The following FLNB variants were observed in gnomAD, a reference collection of about 807,000 sequenced individuals.
The protein encoded by FLNB is filamin-B.
A neutral mutation model predicts 250.6 loss-of-function variants in FLNB; 111 were observed. The observed-to-expected ratio is 0.44, with a 90% CI of 0.38 to 0.52. The LOEUF (loss-of-function observed/expected upper bound fraction) is 0.52, where lower values mean the gene tolerates loss of function less well. Among genes scored for constraint, FLNB ranks in the 20% least tolerant of loss-of-function variants. The pLI is 0.00. For synonymous variants in FLNB, 1,302 were observed against 1,372.1 expected (o/e 0.95, Z 1.13); for missense variants, 2,869 against 3,447.8 (o/e 0.83, Z 4.20).
At chr3:58,149,378 C>G in intron 36 of FLNB, 1 of 252,658 alleles carries the variant, frequency 4.0e-6, no homozygotes. Flanking sequence ...CAAATTCTAA[C>G]CCGGGGAGAG....
intron 1 of FLNB, among the ~76,000 whole-genome samples, chr3:58,041,409 C>A (rs2097145805): frequency 2.6e-5 from 4 of 152,088 alleles, no homozygotes; most frequent in Non-Finnish European, 5.9e-5. Context: ...GTCTGTGAGC[C>A]ACAGGAAATG....
intron 2 of FLNB, among the ~76,000 whole-genome samples, chr3:58,077,906 G>T (rs12715521): frequency 0.26 from 39,059 of 151,786 alleles, 6,015 homozygotes; most frequent in Middle Eastern, 0.4. Flanking sequence ...GAGTTTGCTG[G>T]TACACACTCA....
intron 18 of FLNB, among the ~76,000 whole-genome samples, chr3:58,116,251 G>A (rs890247772): frequency 5.9e-5 from 9 of 152,204 alleles, no homozygotes; most frequent in African/African-American, 2.2e-4. Context: ...AGCCCAGAAA[G>A]CCACCCCCTG....
intron 22 of FLNB, 93 bp downstream of exon 22, chr3:58,124,598 T>C: frequency 2.2e-6 from 3 of 1,366,532 alleles, no homozygotes; most frequent in Admixed American, 1.8e-5. Flanking sequence ...CCCCATGTGC[T>C]AGGCCTGTCT....
rs2362904 is a variant in FLNB at position 58,126,761 on chromosome 3, C to G, written c.4221C>G (p.Pro1407=). The G allele has an allele frequency of 1.2e-6, 2 of 1,612,630 alleles. No individual in the cohort carries two copies. Among genetic ancestry groups the G allele is most frequent in the Non-Finnish European group, 1.7e-6 (2 of 1,179,058 alleles). ...TCACATATGGAGGAGCCCACATCCCCGGTGAGCTATTCCTCAGAGAGGACC... is the reference window on the plus strand; with the variant it reads ...TCACATATGGAGGAGCCCACATCCCGGGTGAGCTATTCCTCAGAGAGGACC... ...VNITYGGAHI[P]GSPFRVPVKD... The change falls in exon 24 of 46, where the codon CCC becomes CCG. Residue 1407 remains proline (P), a splice_region_variant and synonymous_variant. Coordinates refer to ENST00000295956, the MANE Select transcript of FLNB (RefSeq NM_001457.4).
chr3:58,098,264 C>T (rs1473797797), intron 7 of FLNB, among the ~76,000 whole-genome samples: 3 of 152,196 alleles, frequency 2.0e-5, no homozygotes, highest in Admixed American at 6.5e-5. Flanking sequence ...AACCCTTCAA[C>T]CCCTAGAAAA....
chr3:58,135,015 GTTTTTA>G (rs1172658712), intron 27 of FLNB, among the ~76,000 whole-genome samples: 2 of 151,932 alleles, frequency 1.3e-5, no homozygotes, highest in Non-Finnish European at 2.9e-5. Flanking sequence ...CTATTCCTAT[GTTTTTA>G]TTTTTATTTT....
chr3:58,094,497 G>A (rs1454764839), intron 4 of FLNB, among the ~76,000 whole-genome samples: 1 of 152,222 alleles, frequency 6.6e-6, no homozygotes, highest in Non-Finnish European at 1.5e-5. Flanking sequence ...TACAATAAAT[G>A]CTGTTTAATG....
At chr3:58,054,419 A>G (rs2097167241) in intron 1 of FLNB, among the ~76,000 whole-genome samples, 1 of 152,188 alleles carries the variant, frequency 6.6e-6, no homozygotes, top group African/African-American at 2.4e-5. Context: ...GTCCGTTCTC[A>G]ACACTGCTGT....
intron 1 of FLNB, among the ~76,000 whole-genome samples, chr3:58,049,245 C>T (rs1010861809): frequency 6.6e-6 from 1 of 152,114 alleles, no homozygotes; most frequent in Non-Finnish European, 1.5e-5. Flanking sequence ...AGCCCACGTC[C>T]CACCGCCTTC....
intron 4 of FLNB, among the ~76,000 whole-genome samples, chr3:58,092,142 G>A (rs138126867): frequency 2.0e-5 from 3 of 152,218 alleles, no homozygotes; most frequent in African/African-American, 7.2e-5. Context: ...AAAACACATC[G>A]AAATTTGTTC....
chr3:58,130,652 C>T, intron 24 of FLNB, 89 bp from the exon 25 acceptor site: 2 of 1,402,486 alleles, frequency 1.4e-6, no homozygotes, highest in Non-Finnish European at 2.0e-6. Context: ...TGGCCGAGGT[C>T]CCGGGGGAGC....
rs996116374 is a variant in FLNB at position 58,153,543 on chromosome 3, G to A, written c.6536G>A (p.Ser2179Asn). Residue 2179 changes from serine (S) to asparagine (N), a missense_variant, in exon 39 of 46, where the codon AGC becomes AAC. Around this residue, in one of 5 missense-constraint regions of FLNB, gnomAD observed 1,084 missense variants for 1,315.5 expected, o/e 0.82. Coordinates refer to ENST00000295956, the MANE Select transcript of FLNB (RefSeq NM_001457.4). Reference sequence around the variant, plus strand: ...TACCGTGGGCAGCACGTCACCGGCAGCCCCTTCCAGTTCACCGTGGGGCCA... The same window carrying A: ...TACCGTGGGCAGCACGTCACCGGCAACCCCTTCCAGTTCACCGTGGGGCCA... ...VKYRGQHVTG[S>N]PFQFTVGPLG... 1 of 1,614,164 alleles carries A rather than the reference G, an allele frequency of 6.2e-7. No individual in the cohort carries two copies. Among genetic ancestry groups the A allele is most frequent in the Non-Finnish European group, 8.5e-7 (1 of 1,180,048 alleles).
rs1372026038 is a variant in FLNB, at chr3:58,141,613, C to G, written c.5110-245C>G. On this transcript the variant is annotated intron_variant, in intron 29 of 45. Transcript: ENST00000295956. ...TACACACATCAATTAACTATGGAGT[C>G]TCCCGCCAGCTTAGGTCTGCGTGCT... Among the ~76,000 whole-genome samples, 7 of 152,220 alleles carry G rather than the reference C, an allele frequency of 4.6e-5. No individual in the cohort carries two copies. The East Asian group carries it at 1.3e-3, about 29-fold the overall frequency.
At chr3:58,111,992 T>C in intron 17 of FLNB, 111 bp downstream of exon 17, 1 of 1,188,038 alleles carries the variant, frequency 8.4e-7, no homozygotes, top group Non-Finnish European at 1.3e-6. Flanking sequence ...AACACCAAGC[T>C]GGCAGGTTTT....
chr3:58,154,893 G>A lies in FLNB; in HGVS notation c.6737G>A (p.Gly2246Glu). ...ATTACATTCGATGACCATAAAAATG[G>A]GTCGTGCGGTGTATCTTATATTGCC... is the stretch of plus-strand genomic sequence containing the variant. ...AEITFDDHKN[G>E]SCGVSYIAQE... Residue 2246 changes from glycine (G) to glutamate (E), a missense_variant, in exon 40 of 46, where the codon GGG (glycine) becomes GAG (glutamate). This residue lies in a region of FLNB where 1,084 missense variants were observed against 1,315.5 expected (regional missense o/e 0.82). Transcript: ENST00000295956. The A allele has an allele frequency of 6.2e-7, 1 of 1,614,114 alleles. No homozygotes were observed. The highest frequency in any genetic ancestry group is 8.5e-7 in the Non-Finnish European group (1 of 1,179,990).
intron 1 of FLNB, among the ~76,000 whole-genome samples, chr3:58,041,853 G>C (rs1419374609): frequency 6.6e-6 from 1 of 152,178 alleles, no homozygotes; most frequent in Non-Finnish European, 1.5e-5. Flanking sequence ...ACTGTAGCCA[G>C]CTGGGTGGTC....
In FLNB at chr3:58,104,070, A is replaced by G. The variant is rs761624604; in HGVS notation, c.1595A>G (p.His532Arg). 1.9e-6 allele frequency: 3 copies of G among 1,613,834 alleles called. No homozygotes were observed. Among genetic ancestry groups the G allele is most frequent in the Non-Finnish European group, 2.5e-6 (3 of 1,180,004 alleles). The change falls in exon 10 of 46, where the codon CAC (histidine) becomes CGC (arginine). Residue 532 changes from histidine (H) to arginine (R), a missense_variant. Transcript: ENST00000295956. ...AGCATTGCCATCACATGGGGGGGAC[A>G]CCACATTCCAAAGAGGTGAGGCTCC... Reference protein sequence around the residue: ...RYSIAITWGGHHIPKSPFEVQ... With the variant: ...RYSIAITWGGRHIPKSPFEVQ...
At chr3:58,118,835 T>C in intron 18 of FLNB, 37 bp from the exon 19 acceptor site, 1 of 1,518,772 alleles carries the variant, frequency 6.6e-7, no homozygotes. Context: ...AGCTTTTTGG[T>C]ACCCAAAGGT....
Sources: gnomAD v4.1 joint callset for allele counts (sites outside exome capture counted in the v4.1 genomes callset) on GRCh38, gnomAD v4.1.1 for gene constraint, gnomAD v4.1.1 regional missense constraint, MANE v1.5 for transcripts, NCBI Gene and HGNC (gene_info 2026-07-23, HGNC 2026-07-21) for gene names.